The following CFAP54 variants were observed in gnomAD, a reference collection of about 807,000 sequenced individuals.
CFAP54 encodes cilia and flagella associated protein 54.
In CFAP54, 290 loss-of-function variants were observed where a neutral mutation model predicts 370.4. The ratio of observed to expected loss-of-function variants is 0.78; its 90% confidence interval spans 0.71 to 0.86. The LOEUF is 0.86. Ranked by LOEUF, CFAP54 falls within the 40% of genes least tolerant of loss-of-function variation. CFAP54 has a pLI of 0.00. For missense variants in CFAP54, 3,399 were observed against 3,528.7 expected (o/e 0.96, Z 0.93); for synonymous variants, 1,206 against 1,236.5 (o/e 0.98, Z 0.52).
At chr12:96,607,217 A>G (rs1956310715) in intron 26 of CFAP54, among the ~76,000 whole-genome samples, 1 of 152,190 alleles carries the variant, frequency 6.6e-6, no homozygotes, top group South Asian at 2.1e-4. Context: ...AGCAGGAAGA[A>G]AAAAGCAATT....
chr12:96,572,754 A>C (rs1425745511), intron 19 of CFAP54: 1 of 529,352 alleles, frequency 1.9e-6, no homozygotes, highest in African/African-American at 2.1e-5. Context: ...CAGATGTTCA[A>C]GCTCCACTCC....
chr12:96,522,137 A>G lies in CFAP54; in HGVS notation c.1106A>G (p.Asn369Ser). ...GGAGTCTTTGAATCTAGAAGAAAAA[A>G]CAAAGCTGTCTTTAGACCTAAGATA... Reference protein sequence around the residue: ...KRGVFESRRKNKAVFRPKIRI... With the variant: ...KRGVFESRRKSKAVFRPKIRI... The change falls in exon 8 of 68, where the codon AAC (asparagine) becomes AGC (serine). Residue 369 changes from asparagine to serine, a missense_variant. This residue lies in a region of CFAP54 where 559 missense variants were observed against 576.7 expected (regional missense o/e 0.97). Coordinates refer to ENST00000524981, the MANE Select transcript of CFAP54 (RefSeq NM_001306084.2). 6.5e-7 allele frequency: 1 copy of G among 1,535,762 alleles called. No homozygotes were observed. The highest frequency in any genetic ancestry group is 8.7e-7 in the Non-Finnish European group (1 of 1,146,820).
intron 67 of CFAP54, among the ~76,000 whole-genome samples, chr12:96,869,774 A>G (rs1024451790): frequency 1.1e-4 from 16 of 151,818 alleles, no homozygotes; most frequent in African/African-American, 3.6e-4. Context: ...TGTCTCTACT[A>G]AAAATACAAA....
At chr12:96,737,342 A>C (rs1286304477) in intron 50 of CFAP54, among the ~76,000 whole-genome samples, 1 of 152,126 alleles carries the variant, frequency 6.6e-6, no homozygotes, top group East Asian at 1.9e-4. Flanking sequence ...AGTACCTGTC[A>C]GGTGGCAAAC....
intron 55 of CFAP54, among the ~76,000 whole-genome samples, chr12:96,751,353 A>G (rs1052990387): frequency 3.9e-5 from 6 of 152,166 alleles, no homozygotes; most frequent in African/African-American, 1.2e-4. Flanking sequence ...AATAGTTCAT[A>G]ATCCCTGTAA....
chr12:96,667,136 G>T (rs1429694429), intron 39 of CFAP54, among the ~76,000 whole-genome samples: 1 of 152,190 alleles, frequency 6.6e-6, no homozygotes, highest in Non-Finnish European at 1.5e-5. Flanking sequence ...CAGCCTTGTG[G>T]GTTTGCAGGG....
intron 63 of CFAP54, among the ~76,000 whole-genome samples, chr12:96,802,015 A>G (rs1299161861): frequency 2.0e-5 from 3 of 152,054 alleles, no homozygotes; most frequent in Non-Finnish European, 4.4e-5. Context: ...CTCATATTGC[A>G]TGGCTGGGAA....
chr12:96,706,143 C>T (rs1327264895), intron 47 of CFAP54, among the ~76,000 whole-genome samples: 2 of 152,034 alleles, frequency 1.3e-5, no homozygotes, highest in South Asian at 2.1e-4. Context: ...ACTCCAAGCT[C>T]TCATGGAGCT....
chr12:96,774,292 GTTAT>G (rs72411882), intron 60 of CFAP54, among the ~76,000 whole-genome samples: 2,971 of 152,160 alleles, frequency 0.02, 99 homozygotes, highest in African/African-American at 0.066. Context: ...CCATGAAGAA[GTTAT>G]TTATTTCTAT....
intron 60 of CFAP54, among the ~76,000 whole-genome samples, chr12:96,777,392 G>T (rs1039704318): frequency 6.6e-6 from 1 of 150,946 alleles, no homozygotes; most frequent in Non-Finnish European, 1.5e-5. Flanking sequence ...TGTTGCCCAG[G>T]CTGCTGGAGT....
intron 44 of CFAP54, among the ~76,000 whole-genome samples, chr12:96,691,779 A>G (rs555393858): frequency 6.6e-6 from 1 of 152,260 alleles, no homozygotes; most frequent in Non-Finnish European, 1.5e-5. Flanking sequence ...TAAAAGACAG[A>G]CATTTCTTAA....
At chr12:96,635,504 T>C (rs1956654595) in intron 32 of CFAP54, among the ~76,000 whole-genome samples, 1 of 152,222 alleles carries the variant, frequency 6.6e-6, no homozygotes, top group Non-Finnish European at 1.5e-5. Context: ...CAGCCCCATA[T>C]GCACTTCATG....
chr12:96,744,131 A>G lies in CFAP54; in HGVS notation c.7669A>G (p.Ile2557Val). The G allele has an allele frequency of 6.2e-7, 1 of 1,606,528 alleles. No individual in the cohort carries two copies. The highest frequency in any genetic ancestry group is 1.1e-5 in the South Asian group (1 of 90,202). ...TCCCCATGTCATGTTATTGGCCAAA[A>G]TAAAAATGAGAATTGGTAAGAACAT... ...YLPHVMLLAK[I>V]KMRIGHTVAK... The change falls in exon 55 of 68, where the codon ATA becomes GTA. Residue 2557 changes from isoleucine to valine, a missense_variant. By Grantham distance (29) the Ile-to-Val change is conservative. This residue lies in a region of CFAP54 where 2,796 missense variants were observed against 2,869.7 expected (regional missense o/e 0.97). Coordinates refer to ENST00000524981, the MANE Select transcript of CFAP54 (RefSeq NM_001306084.2).
At chr12:96,785,371 C>G (rs1958618781) in intron 61 of CFAP54, among the ~76,000 whole-genome samples, 1 of 151,892 alleles carries the variant, frequency 6.6e-6, no homozygotes, top group African/African-American at 2.4e-5. Flanking sequence ...ATAAAATCTG[C>G]TTCACATTAG....
intron 17 of CFAP54, among the ~76,000 whole-genome samples, chr12:96,557,836 T>C (rs1161204930): frequency 6.6e-6 from 1 of 151,920 alleles, no homozygotes; most frequent in Non-Finnish European, 1.5e-5. Context: ...AACTGTATAT[T>C]AAAAAGTGAC....
chr12:96,576,718 G>T lies in CFAP54; in HGVS notation c.2753G>T (p.Cys918Phe). The T allele has an allele frequency of 6.5e-7, 1 of 1,535,852 alleles. No individual in the cohort carries two copies. The highest frequency in any genetic ancestry group is 1.2e-5 in the South Asian group (1 of 84,022). ...CCTATCCTGCTGTCTCGAACTCATTGTTCTGTGACACTCAAACCTGCTCCA... is the reference window on the plus strand; with the variant it reads ...CCTATCCTGCTGTCTCGAACTCATTTTTCTGTGACACTCAAACCTGCTCCA... Reference protein sequence around the residue: ...PPPILLSRTHCSVTLKPAPFT... With the variant: ...PPPILLSRTHFSVTLKPAPFT... The change falls in exon 20 of 68, where the codon TGT (cysteine) becomes TTT (phenylalanine). Residue 918 changes from cysteine to phenylalanine, a missense_variant. Physicochemically the swap from Cys to Phe is radical, Grantham distance 205 (BLOSUM62 -2). This residue lies in a region of CFAP54 where 2,796 missense variants were observed against 2,869.7 expected (regional missense o/e 0.97). Coordinates refer to ENST00000524981, the MANE Select transcript of CFAP54 (RefSeq NM_001306084.2).
At chr12:96,572,438 A>ATT (rs201911460) in intron 19 of CFAP54, among the ~76,000 whole-genome samples, 2 of 146,770 alleles carry the variant, frequency 1.4e-5, no homozygotes, top group East Asian at 4.0e-4. Context: ...GGAATGAGTG[A>ATT]TTTTTTTTTT....
At chr12:96,603,243 G>C (rs957274807) in intron 26 of CFAP54, among the ~76,000 whole-genome samples, 1 of 152,100 alleles carries the variant, frequency 6.6e-6, no homozygotes, top group Admixed American at 6.5e-5. Context: ...ATGAAATTCT[G>C]GTTTGAAAAT....
intron 60 of CFAP54, among the ~76,000 whole-genome samples, chr12:96,771,981 T>A (rs1220697544): frequency 6.6e-6 from 1 of 152,190 alleles, no homozygotes; most frequent in Non-Finnish European, 1.5e-5. Flanking sequence ...AAAAGAAAGT[T>A]TTCTAAAAAG....
Sources: allele counts gnomAD v4.1 joint callset (sites outside exome capture counted in the v4.1 genomes callset), GRCh38; gene constraint gnomAD v4.1.1; regional missense constraint gnomAD v4.1.1; transcripts MANE v1.5; gene names NCBI Gene and HGNC (gene_info 2026-07-23, HGNC 2026-07-21).